The following ATRNL1 variants were observed in gnomAD, a reference collection of about 807,000 sequenced individuals.
ATRNL1 encodes the protein attractin like 1.
A neutral mutation model predicts 182.7 loss-of-function variants in ATRNL1; 95 were observed. The observed-to-expected ratio is 0.52, with a 90% CI of 0.44 to 0.62. The LOEUF is 0.62. Ranked by LOEUF, ATRNL1 falls within the 20% of genes least tolerant of loss-of-function variation. The pLI is 0.00. For synonymous variants in ATRNL1, 576 were observed against 568.3 expected, an observed-to-expected ratio of 1.01 and a Z score of -0.19; for missense variants, 1,471 against 1,679.5, an observed-to-expected ratio of 0.88 and a Z score of 2.17.
intron 26 of ATRNL1, among the ~76,000 whole-genome samples, chr10:115,577,099 A>C (rs1335736404): frequency 6.6e-6 from 1 of 151,766 alleles, no homozygotes; most frequent in Non-Finnish European, 1.5e-5. Flanking sequence ...TATGTGTTTT[A>C]ATGCCAGTAT....
chr10:115,657,682 T>A (rs1860413388), intron 26 of ATRNL1, among the ~76,000 whole-genome samples: 1 of 152,144 alleles, frequency 6.6e-6, no homozygotes, highest in Non-Finnish European at 1.5e-5. Context: ...CCAGCCCAGC[T>A]GTTTCCCCAT....
chr10:115,536,008 G>T (rs1851969664), intron 25 of ATRNL1, among the ~76,000 whole-genome samples: 1 of 151,860 alleles, frequency 6.6e-6, no homozygotes, highest in Admixed American at 6.6e-5. Flanking sequence ...TGACGTGTCA[G>T]TCTGCCCCTA....
chr10:115,204,798 T>G (rs1848733829), intron 8 of ATRNL1, among the ~76,000 whole-genome samples: 1 of 152,104 alleles, frequency 6.6e-6, no homozygotes, highest in South Asian at 2.1e-4. Flanking sequence ...AGAAATAATT[T>G]TGGATATGTT....
intron 19 of ATRNL1, among the ~76,000 whole-genome samples, chr10:115,344,567 A>G (rs1731608391): frequency 6.6e-6 from 1 of 152,124 alleles, no homozygotes; most frequent in African/African-American, 2.4e-5. Context: ...CAGAAGTGCC[A>G]TCCAAGAGTT....
chr10:115,144,477 AGAGACGGGGTTTCACTACGTT>A (rs1470050928), intron 5 of ATRNL1, among the ~76,000 whole-genome samples: 1 of 152,056 alleles, frequency 6.6e-6, no homozygotes, highest in African/African-American at 2.4e-5. Context: ...TATTTTTACT[AGAGACGGGGTTTCACTACGTT>A]GGCCAGGCTG....
At chr10:115,622,851 C>T (rs576689281) in intron 26 of ATRNL1, among the ~76,000 whole-genome samples, 15 of 151,842 alleles carry the variant, frequency 9.9e-5, no homozygotes, top group Admixed American at 4.6e-4. Flanking sequence ...GGTATGAACC[C>T]GGGAGGCGGA....
Position 115,230,870 on chromosome 10 carries a change from T to TGAGAGAGAGAGAGAGAGAGAGAGAGA in ATRNL1, c.1533-10674_1533-10649dup, listed in dbSNP as rs1169884107. Among the ~76,000 whole-genome samples the TGAGAGAGAGAGAGAGAGAGAGAGAGA allele has an allele frequency of 6.0e-4, 50 of 83,712 alleles. 1 individual carries two copies. Among genetic ancestry groups the TGAGAGAGAGAGAGAGAGAGAGAGAGA allele is most frequent in the Non-Finnish European group, 7.9e-4 (36 of 45,544 alleles). 54.9% of individuals were successfully genotyped at this position (83,712 alleles called of 152,430 possible). ...ACTAGGGGACTGGATATAGAGTGGA[T>TGAGAGAGAGAGAGAGAGAGAGAGAGA]GAGAGAGAGAGAGAGAGAGAGAGAG... On this transcript the variant is annotated intron_variant, in intron 9 of 28. Coordinates refer to ENST00000355044, the MANE Select transcript of ATRNL1 (RefSeq NM_207303.4).
intron 8 of ATRNL1, among the ~76,000 whole-genome samples, chr10:115,189,636 A>G (rs1389377726): frequency 1.3e-5 from 2 of 152,134 alleles, no homozygotes; most frequent in East Asian, 1.9e-4. Context: ...GCTGTAAAAT[A>G]TGTTTGTGTT....
At chr10:115,767,936 A>C (rs899352260) in intron 27 of ATRNL1, among the ~76,000 whole-genome samples, 4 of 152,154 alleles carry the variant, frequency 2.6e-5, no homozygotes, top group Admixed American at 1.3e-4. Flanking sequence ...TAATTTTAGT[A>C]GAGTGGTTTG....
chr10:115,480,383 A>G (rs1408723809), intron 24 of ATRNL1, among the ~76,000 whole-genome samples: 1 of 151,056 alleles, frequency 6.6e-6, no homozygotes, highest in African/African-American at 2.4e-5. Context: ...ACTTTTCGTT[A>G]TTTGTGGTTC....
chr10:115,597,374 A>G (rs183205694), intron 26 of ATRNL1, among the ~76,000 whole-genome samples: 210 of 149,416 alleles, frequency 1.4e-3, no homozygotes, highest in African/African-American at 5.0e-3. Context: ...AGTAATGTCT[A>G]TCTATGTACC....
At chr10:115,692,943 C>T (rs1171444857) in intron 26 of ATRNL1, among the ~76,000 whole-genome samples, 1 of 151,996 alleles carries the variant, frequency 6.6e-6, no homozygotes, top group Non-Finnish European at 1.5e-5. Context: ...AATGCAACAT[C>T]CCTCTTTATA....
chr10:115,808,413 C>T (rs1193738468), intron 27 of ATRNL1, among the ~76,000 whole-genome samples: 2 of 151,966 alleles, frequency 1.3e-5, no homozygotes, highest in Non-Finnish European at 2.9e-5. Context: ...TTTCATAATT[C>T]GTTCATTCAT....
At chr10:115,631,392 G>T (rs1555026373) in intron 26 of ATRNL1, among the ~76,000 whole-genome samples, 1 of 151,984 alleles carries the variant, frequency 6.6e-6, no homozygotes. Context: ...ACAAATGGTA[G>T]TTAAAAAGAG....
chr10:115,344,691 T>C (rs1162605416), intron 19 of ATRNL1, among the ~76,000 whole-genome samples: 1 of 152,214 alleles, frequency 6.6e-6, no homozygotes, highest in Non-Finnish European at 1.5e-5. Flanking sequence ...TGCTTTTCTC[T>C]AACATAAGAG....
intron 9 of ATRNL1, among the ~76,000 whole-genome samples, chr10:115,240,974 A>G (rs956664913): frequency 5.3e-5 from 8 of 152,108 alleles, no homozygotes; most frequent in Non-Finnish European, 8.8e-5. Flanking sequence ...CCACTTAGGT[A>G]AGGTACAAAA....
chr10:115,727,290 G>A lies in ATRNL1; in HGVS notation c.3838G>A (p.Ala1280Thr), dbSNP rs1555060490. 6.2e-7 allele frequency: 1 copy of A among 1,614,108 alleles called. No homozygotes were observed. The highest frequency in any genetic ancestry group is 1.1e-5 in the South Asian group (1 of 91,080). Reference protein sequence around the residue: ...ERQQMASRPFASVDVALEVGA... With the variant: ...ERQQMASRPFTSVDVALEVGA... ...ACAGCAGATGGCCAGCCGTCCCTTTGCTTCTGTTGATGTAGCTCTGGAAGT... is the reference window on the plus strand; with the variant it reads ...ACAGCAGATGGCCAGCCGTCCCTTTACTTCTGTTGATGTAGCTCTGGAAGT... The change falls in exon 27 of 29, where the codon GCT (alanine) becomes ACT (threonine). Residue 1280 changes from alanine (A) to threonine (T), a missense_variant. By Grantham distance (58) the Ala-to-Thr change is moderately conservative. This residue lies in a region of ATRNL1 where 437 missense variants were observed against 506.0 expected (regional missense o/e 0.86). Transcript: ENST00000355044.
intron 19 of ATRNL1, among the ~76,000 whole-genome samples, chr10:115,386,955 G>T (rs1261870327): frequency 1.3e-5 from 2 of 151,376 alleles, no homozygotes; most frequent in East Asian, 3.9e-4. Context: ...CTGCTATAAA[G>T]ACACATGCAC....
At chr10:115,750,354 G>A (rs568525612) in intron 27 of ATRNL1, among the ~76,000 whole-genome samples, 2 of 151,834 alleles carry the variant, frequency 1.3e-5, no homozygotes, top group South Asian at 2.1e-4. Flanking sequence ...TGAAAAATTG[G>A]CATTAATCAG....
Sources: gnomAD v4.1 joint callset for allele counts (sites outside exome capture counted in the v4.1 genomes callset) on GRCh38, gnomAD v4.1.1 for gene constraint, gnomAD v4.1.1 regional missense constraint, MANE v1.5 for transcripts, NCBI Gene and HGNC (gene_info 2026-07-23, HGNC 2026-07-21) for gene names.